The following SP4 variants were observed in gnomAD, a reference collection of about 807,000 sequenced individuals.
SP4 encodes transcription factor Sp4.
Under a neutral mutation model 72.8 loss-of-function variants are expected in SP4, and 19 were observed. The observed-to-expected ratio is 0.26, with a 90% CI of 0.18 to 0.38. The LOEUF (loss-of-function observed/expected upper bound fraction) is 0.38. Among genes scored for constraint, SP4 ranks in the 10% least tolerant of loss-of-function variants. The pLI is 1.00. For synonymous variants in SP4, 395 were observed against 333.1 expected, an observed-to-expected ratio of 1.19 and a Z score of -2.02; for missense variants, 1,008 against 926.3, an observed-to-expected ratio of 1.09 and a Z score of -1.14.
intron 3 of SP4, among the ~76,000 whole-genome samples, chr7:21,451,196 C>T (rs549522615): frequency 6.6e-5 from 10 of 152,240 alleles, no homozygotes; most frequent in East Asian, 1.9e-4. Context: ...TAAACTCTGC[C>T]GTTTGCCTCT....
At chr7:21,428,517 C>G (rs1336750638) in intron 1 of SP4, among the ~76,000 whole-genome samples, 160 bp from the exon 2 acceptor site, 1 of 152,196 alleles carries the variant, frequency 6.6e-6, no homozygotes, top group Non-Finnish European at 1.5e-5. Flanking sequence ...CCCCTCCTCC[C>G]TTCCCTCCTT....
intron 5 of SP4, among the ~76,000 whole-genome samples, chr7:21,498,299 G>A (rs1402979543): frequency 1.3e-5 from 2 of 152,140 alleles, no homozygotes; most frequent in Non-Finnish European, 2.9e-5. Context: ...TAGGTTATAT[G>A]CAAATACTGT....
At chr7:21,500,323 G>T (rs1436633010) in intron 5 of SP4, among the ~76,000 whole-genome samples, 3 of 152,074 alleles carry the variant, frequency 2.0e-5, no homozygotes, top group East Asian at 1.9e-4. Flanking sequence ...TTTTTATAAG[G>T]TTATATCATA....
At position 21,430,252 on chromosome 7, in the gene SP4, C is replaced by G. The variant is rs370914140; in HGVS notation, c.1087C>G (p.Gln363Glu). 2 of 1,614,232 alleles carry G rather than the reference C, an allele frequency of 1.2e-6. No homozygotes were observed. The highest frequency in any genetic ancestry group is 1.7e-6 in the Non-Finnish European group (2 of 1,180,050). The change falls in exon 3 of 6, where the codon CAA becomes GAA. Residue 363 changes from glutamine to glutamate, a missense_variant. This residue lies in a region of SP4 where 893 missense variants were observed against 743.3 expected (regional missense o/e 1.20). Transcript: ENST00000222584. ...TTCTGAACGCACCATTGAAGAATCT[C>G]AAACACCTGCTGCTACTGAGTCTGA... ...SSSERTIEES[Q>E]TPAATESEAQ...
At chr7:21,461,117 G>A (rs1177096865) in intron 3 of SP4, among the ~76,000 whole-genome samples, 1 of 152,222 alleles carries the variant, frequency 6.6e-6, no homozygotes, top group Non-Finnish European at 1.5e-5. Context: ...CCAGACTCAG[G>A]AGCCCTGCTG....
chr7:21,483,368 C>G (rs1441521100), intron 5 of SP4, among the ~76,000 whole-genome samples: 1 of 151,700 alleles, frequency 6.6e-6, no homozygotes, highest in Admixed American at 6.6e-5. Context: ...ATATGGAAGT[C>G]TTACATTTTT....
chr7:21,430,913 ATTC>A, intron 3 of SP4, 70 bp downstream of exon 3: 1 of 1,213,290 alleles, frequency 8.2e-7, no homozygotes, highest in Middle Eastern at 2.0e-4. Flanking sequence ...TTCTCTCCTA[ATTC>A]TAAGGTTTGA....
chr7:21,450,229 TTGAC>T (rs1181187061), intron 3 of SP4, among the ~76,000 whole-genome samples: 1 of 152,158 alleles, frequency 6.6e-6, no homozygotes, highest in Non-Finnish European at 1.5e-5. Flanking sequence ...TATGGTAAAT[TTGAC>T]TGGGTCAAAT....
intron 5 of SP4, among the ~76,000 whole-genome samples, chr7:21,483,528 A>C (rs1307399540): frequency 6.6e-6 from 1 of 151,790 alleles, no homozygotes; most frequent in African/African-American, 2.4e-5. Flanking sequence ...TTCGCTCAAG[A>C]TTCTTTTTGT....
At position 21,428,824 on chromosome 7, in the gene SP4, C is replaced by G. The variant is rs757383724; in HGVS notation, c.123+32C>G. On this transcript the variant is annotated intron_variant, in intron 2 of 5. Coordinates refer to ENST00000222584, the MANE Select transcript of SP4 (RefSeq NM_003112.5). ...GCAAACAAATTAAAAAAATTCATCACGACACATTAGGAGAGAGAGGGAGTT... is the reference window on the plus strand; with the variant it reads ...GCAAACAAATTAAAAAAATTCATCAGGACACATTAGGAGAGAGAGGGAGTT... 4 of 1,505,390 alleles carry G rather than the reference C, an allele frequency of 2.7e-6. No homozygotes were observed. In the South Asian group the frequency reaches 3.7e-5, roughly 14 times the overall value. The allele number at this position is 1,505,390 out of a possible 1,614,324, so 93.3% of individuals were successfully genotyped here.
rs1338716093 is a variant in SP4 at position 21,428,226 on chromosome 7, C to G, written c.-26C>G. ...CCCACCTCTATCCCAGTGTCTCCGTCTGAGGGTTTGTCCTGTTAATGCGGG... is the reference window on the plus strand; with the variant it reads ...CCCACCTCTATCCCAGTGTCTCCGTGTGAGGGTTTGTCCTGTTAATGCGGG... On this transcript the variant is annotated 5_prime_UTR_variant, in exon 1 of 6. Coordinates refer to ENST00000222584, the MANE Select transcript of SP4 (RefSeq NM_003112.5). 8.0e-7 allele frequency: 1 copy of G among 1,248,860 alleles called. No homozygotes were observed. Among genetic ancestry groups the G allele is most frequent in the Non-Finnish European group, 1.1e-6 (1 of 920,470 alleles). 77.4% of individuals were successfully genotyped at this position (1,248,860 alleles called of 1,614,324 possible).
At chr7:21,497,756 T>A (rs1365439361) in intron 5 of SP4, among the ~76,000 whole-genome samples, 1 of 152,234 alleles carries the variant, frequency 6.6e-6, no homozygotes, top group Non-Finnish European at 1.5e-5. Context: ...TATTTATAGA[T>A]GATAGTTAAA....
rs1782110796 is a variant in SP4 at position 21,510,387 on chromosome 7, C to A, written c.2108-635C>A. Among the ~76,000 whole-genome samples the A allele has an allele frequency of 3.3e-5, 5 of 151,794 alleles. No individual in the cohort carries two copies. In the South Asian group the frequency reaches 1.0e-3, roughly 32 times the overall value. On this transcript the variant is annotated intron_variant, in intron 5 of 5. Coordinates refer to ENST00000222584, the MANE Select transcript of SP4 (RefSeq NM_003112.5). ...AGTTAACATTAAACTAGCTTTTATTCCAAAACAAAGAAGTCGGTCCAGTAA... is the reference window on the plus strand; with the variant it reads ...AGTTAACATTAAACTAGCTTTTATTACAAAACAAAGAAGTCGGTCCAGTAA...
chr7:21,428,223 C>A lies in SP4; in HGVS notation c.-29C>A. 7.4e-7 allele frequency: 1 copy of A among 1,351,548 alleles called. No individual in the cohort carries two copies. The highest frequency in any genetic ancestry group is 2.9e-5 in the East Asian group (1 of 34,388). The allele number at this position is 1,351,548 out of a possible 1,614,324, so 83.7% of individuals were successfully genotyped here. On this transcript the variant is annotated 5_prime_UTR_variant, in exon 1 of 6. Transcript: ENST00000222584. ...CCACCCACCTCTATCCCAGTGTCTC[C>A]GTCTGAGGGTTTGTCCTGTTAATGC...
chr7:21,452,502 G>A (rs1335202922), intron 3 of SP4, among the ~76,000 whole-genome samples: 3 of 152,144 alleles, frequency 2.0e-5, no homozygotes, highest in Middle Eastern at 3.2e-3. Flanking sequence ...TACAGGGACT[G>A]TGTTGACAAT....
chr7:21,428,834 GGA>G (rs1782724648), intron 2 of SP4, 42 bp downstream of exon 2: 1 of 1,415,462 alleles, frequency 7.1e-7, no homozygotes, highest in Non-Finnish European at 9.6e-7. Context: ...CGACACATTA[GGA>G]GAGAGAGGGA....
intron 3 of SP4, among the ~76,000 whole-genome samples, chr7:21,462,063 C>G (rs1350509665): frequency 3.6e-5 from 5 of 140,110 alleles, no homozygotes; most frequent in Non-Finnish European, 7.6e-5. Context: ...GGATCTCACT[C>G]TGTTACCCAG....
In SP4 at chr7:21,429,613, C is replaced by G. The variant is rs534834920; in HGVS notation, c.448C>G (p.Gln150Glu). 3.1e-6 allele frequency: 5 copies of G among 1,614,028 alleles called. No individual in the cohort carries two copies. Among genetic ancestry groups the G allele is most frequent in the Non-Finnish European group, 4.2e-6 (5 of 1,179,986 alleles). ...TKSGNSSTPG[Q>E]FQVIQVQNPS... ...ATCAGGTAATTCTTCCACCCCTGGT[C>G]AATTTCAAGTCATACAAGTACAAAA... Residue 150 changes from glutamine (Q) to glutamate (E), a missense_variant, in exon 3 of 6, where the codon CAA becomes GAA. By Grantham distance (29) the Gln-to-Glu change is conservative. This residue lies in a region of SP4 where 893 missense variants were observed against 743.3 expected (regional missense o/e 1.20). Coordinates refer to ENST00000222584, the MANE Select transcript of SP4 (RefSeq NM_003112.5).
chr7:21,443,684 G>A (rs982892836), intron 3 of SP4, among the ~76,000 whole-genome samples: 3 of 152,164 alleles, frequency 2.0e-5, no homozygotes, highest in Non-Finnish European at 4.4e-5. Context: ...GCTGGGAAAG[G>A]GGTGGAAAAT....
Sources: gnomAD v4.1 joint callset for allele counts (sites outside exome capture counted in the v4.1 genomes callset) on GRCh38, gnomAD v4.1.1 for gene constraint, gnomAD v4.1.1 regional missense constraint, MANE v1.5 for transcripts, NCBI Gene and HGNC (gene_info 2026-07-23, HGNC 2026-07-21) for gene names.